The following SPDEF variants were observed in gnomAD, a reference collection of about 807,000 sequenced individuals.
SPDEF encodes SAM pointed domain containing ETS transcription factor.
A neutral mutation model predicts 36.0 loss-of-function variants in SPDEF; 12 were observed. The ratio of observed to expected loss-of-function variants is 0.33; its 90% confidence interval spans 0.21 to 0.54. The LOEUF is 0.54. Ranked by LOEUF, SPDEF falls within the 20% of genes least tolerant of loss-of-function variation. The pLI, the probability that SPDEF is intolerant of heterozygous loss-of-function variation, is 0.93. For missense variants in SPDEF, 388 were observed against 456.9 expected (o/e 0.85, Z 1.37); for synonymous variants, 205 against 193.0 (o/e 1.06, Z -0.51).
chr6:34,541,688 C>T (rs1159093347), intron 2 of SPDEF, among the ~76,000 whole-genome samples: 1 of 152,254 alleles, frequency 6.6e-6, no homozygotes, highest in African/African-American at 2.4e-5. Context: ...CACTCCATCC[C>T]CTTGTCCTCC....
At chr6:34,542,087 G>A (rs1394947615) in intron 2 of SPDEF, among the ~76,000 whole-genome samples, 1 of 152,218 alleles carries the variant, frequency 6.6e-6, no homozygotes, top group African/African-American at 2.4e-5. Flanking sequence ...TGGGGAGGAG[G>A]TCTGTGGGAG....
In SPDEF at chr6:34,538,785, C is replaced by T. The variant is rs1163428247; in HGVS notation, c.830-333G>A. On this transcript the variant is annotated intron_variant, in intron 5 of 5. Transcript: ENST00000374037. The surrounding 1 kb of genome is among the most constrained non-coding windows in gnomAD (Gnocchi z 5.9). ...GCCTGGCCCTTGCCAACTCCTGCTT[C>T]TGTGTGGGGTTTGCATGACCTAATG... Among the ~76,000 whole-genome samples, 1 of 152,150 alleles carries T rather than the reference C, an allele frequency of 6.6e-6. No individual in the cohort carries two copies. Among genetic ancestry groups the T allele is most frequent in the African/African-American group, 2.4e-5 (1 of 41,430 alleles).
chr6:34,545,969 A>G (rs938092590), intron 1 of SPDEF, among the ~76,000 whole-genome samples: 1 of 152,188 alleles, frequency 6.6e-6, no homozygotes, highest in Non-Finnish European at 1.5e-5. Flanking sequence ...AGCCAGAGGC[A>G]GAAGATTACC....
Position 34,544,295 on chromosome 6 carries a change from C to A in SPDEF, c.161G>T (p.Gly54Val), listed in dbSNP as rs1264318211. Reference protein sequence around the residue: ...SPSPPATPEQGLSAFYLSYFD... With the variant: ...SPSPPATPEQVLSAFYLSYFD... ...GTAGGAGAGGTAGAAGGCGGACAGGCCCTGCTCGGGCGTGGCGGGTGGACT... is the reference window on the plus strand; with the variant it reads ...GTAGGAGAGGTAGAAGGCGGACAGGACCTGCTCGGGCGTGGCGGGTGGACT... The change falls in exon 2 of 6, where the codon GGC becomes GTC. Residue 54 changes from glycine (G) to valine (V), a missense_variant. Physicochemically the swap from Gly to Val is moderately radical, Grantham distance 109. This residue lies in a region of SPDEF where 308 missense variants were observed against 326.1 expected (regional missense o/e 0.94). Transcript: ENST00000374037. The surrounding 1 kb of genome is among the most constrained non-coding windows in gnomAD (Gnocchi z 4.4). 6.2e-7 allele frequency: 1 copy of A among 1,613,160 alleles called. No homozygotes were observed. Among genetic ancestry groups the A allele is most frequent in the Non-Finnish European group, 8.5e-7 (1 of 1,179,908 alleles).
intron 1 of SPDEF, among the ~76,000 whole-genome samples, chr6:34,545,793 C>T (rs1767939466): frequency 6.6e-6 from 1 of 152,088 alleles, no homozygotes. Flanking sequence ...GCCTGATTCT[C>T]CTGTCTCAGC....
Position 34,538,227 on chromosome 6 carries a change from C to T in SPDEF, c.*47G>A. ...CAGGGCCTGGCTGAGGCAGGGCAGG[C>T]AGGAGAGAGGCCCCTGAGGGCGGGT... On this transcript the variant is annotated 3_prime_UTR_variant, in exon 6 of 6. Coordinates refer to ENST00000374037, the MANE Select transcript of SPDEF (RefSeq NM_012391.3). The surrounding 1 kb of genome is among the most constrained non-coding windows in gnomAD (Gnocchi z 5.9). 1.3e-6 allele frequency: 2 copies of T among 1,579,256 alleles called. No individual in the cohort carries two copies. Among genetic ancestry groups the T allele is most frequent in the Non-Finnish European group, 1.7e-6 (2 of 1,156,752 alleles).
Position 34,539,591 on chromosome 6 carries a change from C to A in SPDEF, c.635-29G>T. On this transcript the variant is annotated intron_variant, in intron 3 of 5. Transcript: ENST00000374037. This position sits in a 1 kb window ranked among gnomAD's most constrained non-coding sequence, Gnocchi z 5.2. ...CAGGGCAAGGAGAGGGGGTTGGGGA[C>A]CCAGGAGAGGCCCCGAGGGTGGAGG... The A allele has an allele frequency of 1.3e-6, 2 of 1,557,220 alleles. No homozygotes were observed. Among genetic ancestry groups the A allele is most frequent in the African/African-American group, 1.4e-5 (1 of 73,480 alleles).
intron 1 of SPDEF, among the ~76,000 whole-genome samples, chr6:34,551,595 G>A (rs1180525329): frequency 2.0e-5 from 3 of 152,198 alleles, no homozygotes; most frequent in South Asian, 2.1e-4. Context: ...TGGTGGGGAC[G>A]CAGAGGTGGA....
chr6:34,538,028 T>C lies in SPDEF; in HGVS notation c.*246A>G. ...AGAGGCAGGTGTTGGGGAGCAGCCC[T>C]GTCTCCCTCTGTCCTCCAGGGGAGC... On this transcript the variant is annotated 3_prime_UTR_variant, in exon 6 of 6. Coordinates refer to ENST00000374037, the MANE Select transcript of SPDEF (RefSeq NM_012391.3). This position sits in a 1 kb window ranked among gnomAD's most constrained non-coding sequence, Gnocchi z 5.9. The C allele has an allele frequency of 2.1e-6, 1 of 477,840 alleles. No individual in the cohort carries two copies. Among genetic ancestry groups the C allele is most frequent in the East Asian group, 3.2e-5 (1 of 31,084 alleles). The allele number at this position is 477,840 out of a possible 1,614,324, so 29.6% of individuals were successfully genotyped here.
At chr6:34,545,164 G>A (rs375770494) in intron 1 of SPDEF, among the ~76,000 whole-genome samples, 2 of 152,188 alleles carry the variant, frequency 1.3e-5, no homozygotes, top group African/African-American at 4.8e-5. Context: ...ACCCCAGGCT[G>A]GGTGCATGGT....
At chr6:34,545,867 C>G (rs752173081) in intron 1 of SPDEF, among the ~76,000 whole-genome samples, 1 of 151,784 alleles carries the variant, frequency 6.6e-6, no homozygotes, top group Non-Finnish European at 1.5e-5. Flanking sequence ...GAGCCGAGAT[C>G]GTGCCACTGC....
At chr6:34,542,121 G>A (rs1767834909) in intron 2 of SPDEF, among the ~76,000 whole-genome samples, 3 of 152,224 alleles carry the variant, frequency 2.0e-5, no homozygotes, top group Non-Finnish European at 4.4e-5. Flanking sequence ...GGCCTGGCAT[G>A]GGCATTGGGA....
rs1363324768 is a variant in SPDEF, at chr6:34,540,918, C to G, written c.634+66G>C. On this transcript the variant is annotated intron_variant, in intron 3 of 5. Coordinates refer to ENST00000374037, the MANE Select transcript of SPDEF (RefSeq NM_012391.3). ...TGCTGCCCTAGCAGAGGGCAACCTC[C>G]TAGCCAGCATCCTGTCCCTGGCTTG... 2.0e-6 allele frequency: 3 copies of G among 1,507,646 alleles called. No homozygotes were observed. In the African/African-American group the frequency reaches 4.1e-5, roughly 21 times the overall value. 93.4% of individuals were successfully genotyped at this position (1,507,646 alleles called of 1,614,324 possible).
In SPDEF at chr6:34,552,394, T is replaced by G. The variant is rs1768080903; in HGVS notation, c.-30+3535A>C. 6.6e-6 allele frequency among the ~76,000 whole-genome samples: 1 copy of G among 152,212 alleles called. No homozygotes were observed. Among genetic ancestry groups the G allele is most frequent in the Non-Finnish European group, 1.5e-5 (1 of 68,038 alleles). On this transcript the variant is annotated intron_variant, in intron 1 of 5. Coordinates refer to ENST00000374037, the MANE Select transcript of SPDEF (RefSeq NM_012391.3). This position sits in a 1 kb window ranked among gnomAD's most constrained non-coding sequence, Gnocchi z 4.6. ...GGCCGATCCTCTTGGCCTCAGCCTC[T>G]TCAGCAGTGAAACAGGGACTCATAA...
intron 1 of SPDEF, among the ~76,000 whole-genome samples, chr6:34,551,142 T>G (rs1348690475): frequency 6.6e-6 from 1 of 152,182 alleles, no homozygotes; most frequent in Non-Finnish European, 1.5e-5. Flanking sequence ...CCACCCTCCT[T>G]TCTGCTGGTG....
At chr6:34,553,984 T>C (rs1017685865) in intron 1 of SPDEF, among the ~76,000 whole-genome samples, 1 of 150,436 alleles carries the variant, frequency 6.6e-6, no homozygotes, top group Admixed American at 6.6e-5. Context: ...TACACAGCCT[T>C]CAAGGTCCTG....
rs112132733 is a variant in SPDEF, at chr6:34,543,942, A to T, written c.436+78T>A. On this transcript the variant is annotated intron_variant, in intron 2 of 5. Coordinates refer to ENST00000374037, the MANE Select transcript of SPDEF (RefSeq NM_012391.3). ...CAGAGGTGGCCAGAGTCCATCCAGC[A>T]GTGCCCCGACCCACCCCAGCGACCT... 346 of 1,440,978 alleles carry T rather than the reference A, an allele frequency of 2.4e-4. 1 individual carries two copies. The African/African-American group carries it at 4.0e-3, about 17-fold the overall frequency. The allele number at this position is 1,440,978 out of a possible 1,614,324, so 89.3% of individuals were successfully genotyped here.
At chr6:34,553,069 T>C (rs1411029796) in intron 1 of SPDEF, among the ~76,000 whole-genome samples, 1 of 152,096 alleles carries the variant, frequency 6.6e-6, no homozygotes, top group Non-Finnish European at 1.5e-5. Flanking sequence ...GGGGGGTCTT[T>C]ATCCTGGTGG....
At chr6:34,550,069 C>T (rs1768027891) in intron 1 of SPDEF, among the ~76,000 whole-genome samples, 1 of 152,216 alleles carries the variant, frequency 6.6e-6, no homozygotes. Context: ...AAAAGCTGGG[C>T]TACCCAGGCC....
Sources: allele counts gnomAD v4.1 joint callset (sites outside exome capture counted in the v4.1 genomes callset), GRCh38; gene constraint gnomAD v4.1.1; regional missense constraint gnomAD v4.1.1; non-coding constraint Gnocchi (gnomAD v3.1); transcripts MANE v1.5; gene names NCBI Gene and HGNC (gene_info 2026-07-23, HGNC 2026-07-21).